Variants in ARPP21 observed in about 807,000 individuals in gnomAD.
The protein encoded by ARPP21 is cAMP regulated phosphoprotein 21.
Under a neutral mutation model 113.2 loss-of-function variants are expected in ARPP21, and 69 were observed. The observed-to-expected ratio is 0.61, with a 90% CI of 0.50 to 0.74. The LOEUF (loss-of-function observed/expected upper bound fraction) is 0.74. ARPP21 is among the 30% of genes least tolerant of loss of function. The probability of loss-of-function intolerance (pLI) is 0.00; values close to 1 mark genes in which losing one functional copy is unlikely to be tolerated. For missense variants in ARPP21, 1,070 were observed against 1,037.4 expected (o/e 1.03, Z -0.43); for synonymous variants, 368 against 375.5 (o/e 0.98, Z 0.23).
chr3:35,707,146 A>T, intron 10 of ARPP21, 64 bp downstream of exon 10: 6 of 1,253,530 alleles, frequency 4.8e-6, no homozygotes, highest in Non-Finnish European at 7.0e-6. Flanking sequence ...ACTGATGTTC[A>T]TGTCGTCCCT....
rs2081068715 is a variant in ARPP21 at position 35,687,828 on chromosome 3, G to A, written c.351G>A (p.Lys117=). The A allele has an allele frequency of 6.2e-7, 1 of 1,601,132 alleles. No homozygotes were observed. The highest frequency in any genetic ancestry group is 8.5e-7 in the Non-Finnish European group (1 of 1,174,454). Reference sequence around the variant, plus strand: ...ATGACTCTGAAAGAGAAAAAGAAAAGGATAAAAACAAAGATAAAACCTCTG... The same window carrying A: ...ATGACTCTGAAAGAGAAAAAGAAAAAGATAAAAACAAAGATAAAACCTCTG... ...RKDDSEREKE[K]DKNKDKTSEK... Residue 117 remains lysine (K), a synonymous_variant, in exon 6 of 21, where the codon AAG becomes AAA. Coordinates refer to ENST00000684406, the MANE Select transcript of ARPP21 (RefSeq NM_001385562.1).
rs1041013744 is a variant in ARPP21, at chr3:35,685,187, A to G, written c.261+1372A>G. 8.1e-6 allele frequency: 8 copies of G among 985,232 alleles called. No individual in the cohort carries two copies. In the East Asian group the frequency reaches 9.1e-4, roughly 112 times the overall value. 61.0% of individuals were successfully genotyped at this position (985,232 alleles called of 1,614,324 possible). A position where few individuals can be genotyped will look rare whatever the true frequency, so the allele number is the denominator to read the frequency against. On this transcript the variant is annotated intron_variant, in intron 5 of 20. Transcript: ENST00000684406. Reference sequence around the variant, plus strand: ...TTGTCCCATTTGACAAGGTACCAGGAGGAAATTTTTTAAGGGATCAACTGT... The same window carrying G: ...TTGTCCCATTTGACAAGGTACCAGGGGGAAATTTTTTAAGGGATCAACTGT...
chr3:35,672,433 C>T (rs1333857220), intron 1 of ARPP21, among the ~76,000 whole-genome samples: 7 of 152,050 alleles, frequency 4.6e-5, no homozygotes, highest in Non-Finnish European at 8.8e-5. Context: ...TAAGAAAAAA[C>T]TTTATTGCCA....
At chr3:35,745,315 C>T (rs1250002844) in intron 19 of ARPP21, among the ~76,000 whole-genome samples, 1 of 152,180 alleles carries the variant, frequency 6.6e-6, no homozygotes, top group Non-Finnish European at 1.5e-5. Context: ...GTGTTGCTTG[C>T]ATTCTGGACT....
chr3:35,784,486 A>T (rs2096589939), intron 19 of ARPP21, among the ~76,000 whole-genome samples: 1 of 152,212 alleles, frequency 6.6e-6, no homozygotes, highest in African/African-American at 2.4e-5. Context: ...CAGTCAGTTA[A>T]TTCATGCTAT....
intron 15 of ARPP21, among the ~76,000 whole-genome samples, chr3:35,733,389 G>T (rs541351996): frequency 6.6e-6 from 1 of 152,122 alleles, no homozygotes; most frequent in East Asian, 1.9e-4. Flanking sequence ...TTTTCTCTGC[G>T]CCTGCTCTGC....
chr3:35,792,197 C>T (rs1356090028), intron 19 of ARPP21, 185 bp from the exon 20 acceptor site: 6 of 614,112 alleles, frequency 9.8e-6, no homozygotes, highest in Admixed American at 2.5e-5. Flanking sequence ...AAGCCATAAT[C>T]TTGTTCACTC....
intron 19 of ARPP21, among the ~76,000 whole-genome samples, chr3:35,771,037 G>A (rs908935859): frequency 5.9e-5 from 9 of 152,186 alleles, no homozygotes; most frequent in Non-Finnish European, 1.3e-4. Flanking sequence ...AGAAACTGCG[G>A]AATAGTTGGA....
intron 19 of ARPP21, among the ~76,000 whole-genome samples, chr3:35,785,633 G>A (rs1258679611): frequency 2.6e-5 from 4 of 152,186 alleles, no homozygotes; most frequent in Admixed American, 6.5e-5. Flanking sequence ...TTCATCTGAT[G>A]TGTACTGCCA....
chr3:35,748,723 T>C (rs925036243), intron 19 of ARPP21, among the ~76,000 whole-genome samples: 1 of 152,228 alleles, frequency 6.6e-6, no homozygotes, highest in Non-Finnish European at 1.5e-5. Flanking sequence ...TTAGCTCTCA[T>C]GCCATTTTTT....
At chr3:35,665,786 C>G (rs1432201076) in intron 1 of ARPP21, among the ~76,000 whole-genome samples, 1 of 152,174 alleles carries the variant, frequency 6.6e-6, no homozygotes, top group African/African-American at 2.4e-5. Flanking sequence ...CCTGGAGTCT[C>G]CTAGAGGGCA....
chr3:35,752,068 T>G (rs1466739452), intron 19 of ARPP21, among the ~76,000 whole-genome samples: 1 of 152,092 alleles, frequency 6.6e-6, no homozygotes, highest in African/African-American at 2.4e-5. Context: ...GCAACAGGCC[T>G]CTTGTTTGTT....
intron 10 of ARPP21, 83 bp downstream of exon 10, chr3:35,707,165 C>T: frequency 9.8e-7 from 1 of 1,022,998 alleles, no homozygotes; most frequent in Non-Finnish European, 1.5e-6. Context: ...CTCTGTTGTC[C>T]CTGCCTTCCC....
In ARPP21 at chr3:35,789,288, C is replaced by G. The variant is rs138512460; in HGVS notation, c.2138-3094C>G. On this transcript the variant is annotated intron_variant, in intron 19 of 20. Coordinates refer to ENST00000684406, the MANE Select transcript of ARPP21 (RefSeq NM_001385562.1). ...GCACTGTCGGTTCATTCATAGGTCA[C>G]TGCTATTTTATTTCTGTTTGTCTAT... is the stretch of plus-strand genomic sequence containing the variant. Among the ~76,000 whole-genome samples the G allele has an allele frequency of 4.6e-5, 7 of 152,318 alleles. No individual in the cohort carries two copies. The South Asian group carries it at 1.0e-3, about 23-fold the overall frequency.
intron 13 of ARPP21, among the ~76,000 whole-genome samples, chr3:35,720,089 T>C (rs1318362173): frequency 1.3e-5 from 2 of 152,208 alleles, no homozygotes; most frequent in Non-Finnish European, 2.9e-5. Context: ...CAACTTGGTT[T>C]TCATCAAGTG....
chr3:35,785,717 A>T (rs867337895), intron 19 of ARPP21, among the ~76,000 whole-genome samples: 103 of 152,290 alleles, frequency 6.8e-4, no homozygotes, highest in Middle Eastern at 3.4e-3. Flanking sequence ...TCTGTGTAGT[A>T]TGAAAGCTAA....
chr3:35,760,107 A>C (rs995409212), intron 19 of ARPP21, among the ~76,000 whole-genome samples: 1 of 152,102 alleles, frequency 6.6e-6, no homozygotes, highest in African/African-American at 2.4e-5. Context: ...TAAAACCCTA[A>C]AAATGACATG....
intron 19 of ARPP21, among the ~76,000 whole-genome samples, chr3:35,790,490 AC>A (rs1423815026): frequency 1.3e-5 from 2 of 152,242 alleles, no homozygotes; most frequent in African/African-American, 2.4e-5. Context: ...ACAATGAAAA[AC>A]AATCGGAAAC....
In ARPP21 at chr3:35,793,861, G is replaced by A. The variant is rs1354863652; in HGVS notation, c.2447G>A (p.Gly816Asp). 9.3e-6 allele frequency: 15 copies of A among 1,614,020 alleles called. No individual in the cohort carries two copies. The highest frequency in any genetic ancestry group is 1.1e-5 in the Non-Finnish European group (13 of 1,180,020). ...PTPQNNLRLI[G>D]PHCPSSTVPV... ...CCTCAGAACAACCTTAGGCTGATTG[G>A]CCCACACTGCCCCTCCAGCACTGTC... Residue 816 changes from glycine to aspartate, a missense_variant, in exon 21 of 21, where the codon GGC becomes GAC. Gly to Asp is a moderately conservative substitution (Grantham distance 94). Transcript: ENST00000684406.
Sources: gnomAD v4.1 joint callset for allele counts (sites outside exome capture counted in the v4.1 genomes callset) on GRCh38, gnomAD v4.1.1 for gene constraint, MANE v1.5 for transcripts, NCBI Gene and HGNC (gene_info 2026-07-23, HGNC 2026-07-21) for gene names.